DMWD: variants seen among roughly 807,000 people sequenced by gnomAD.
The protein encoded by DMWD is dystrophia myotonica WD repeat-containing protein.
Under a neutral mutation model 45.8 loss-of-function variants are expected in DMWD, and 19 were observed. The observed-to-expected ratio is 0.41, with a 90% confidence interval of 0.29 to 0.61. The LOEUF is 0.61. DMWD is among the 20% of genes least tolerant of loss of function. DMWD has a pLI of 0.25. For missense variants in DMWD, 802 were observed against 965.2 expected (o/e 0.83, Z 2.24); for synonymous variants, 515 against 440.5 (o/e 1.17, Z -2.12).
chr19:45,792,774 C>A lies in DMWD; in HGVS notation c.-18G>T, dbSNP rs1356761589. The stretch of plus-strand genomic sequence containing the variant: ...GCCGCCATCTTGGGCGCCCCCCGGG[C>A]CCCGCCACTGCCGGACTGCCGCCCG... On this transcript the variant is annotated 5_prime_UTR_variant, in exon 1 of 5. Transcript: ENST00000270223. 1.3e-5 allele frequency: 15 copies of A among 1,117,366 alleles called. No homozygotes were observed. Among genetic ancestry groups the A allele is most frequent in the Admixed American group, 5.0e-5 (1 of 20,142 alleles). The allele number at this position is 1,117,366 out of a possible 1,614,324, so 69.2% of individuals were successfully genotyped here.
At chr19:45,784,333 C>T (rs1468450439) in intron 4 of DMWD, 43 bp from the exon 5 acceptor site, 3 of 1,493,764 alleles carry the variant, frequency 2.0e-6, no homozygotes, top group Non-Finnish European at 2.7e-6. Context: ...TTAGAGACCA[C>T]CTGGGCTTCA....
chr19:45,784,746 T>C lies in DMWD; in HGVS notation c.1903-31A>G, dbSNP rs753302764. 18 of 1,606,778 alleles carry C rather than the reference T, an allele frequency of 1.1e-5. No homozygotes were observed. In the Admixed American group the frequency reaches 1.9e-4, roughly 17 times the overall value. ...GAGACAGAGGGGTCTCTTTTAGGAC[T>C]CAACCAGACTCCCCAAATCCCACCA... On this transcript the variant is annotated intron_variant, in intron 3 of 4. Transcript: ENST00000270223.
rs1970219706 is a variant in DMWD at position 45,783,769 on chromosome 19, C to T, written c.*474G>A. The T allele has an allele frequency of 8.8e-6, 4 of 456,720 alleles. No individual in the cohort carries two copies. Among genetic ancestry groups the T allele is most frequent in the East Asian group, 3.5e-5 (1 of 28,268 alleles). The allele number at this position is 456,720 out of a possible 1,614,324, so 28.3% of individuals were successfully genotyped here. A position where few individuals can be genotyped will look rare whatever the true frequency, so the allele number is the denominator to read the frequency against. ...ACTTTAGTATAAATAAGAGGTCCTG[C>T]GGGACAGGGAGGAACCTGAGGGGCT... On this transcript the variant is annotated 3_prime_UTR_variant, in exon 5 of 5. Coordinates refer to ENST00000270223, the MANE Select transcript of DMWD (RefSeq NM_004943.2).
At position 45,785,487 on chromosome 19, in the gene DMWD, C is replaced by T. The variant is rs908604943; in HGVS notation, c.1902+107G>A. The T allele has an allele frequency of 1.8e-5, 25 of 1,404,892 alleles. No individual in the cohort carries two copies. In the East Asian group the frequency reaches 2.2e-4, roughly 12 times the overall value. 87.0% of individuals were successfully genotyped at this position (1,404,892 alleles called of 1,614,324 possible). On this transcript the variant is annotated intron_variant, in intron 3 of 4. Transcript: ENST00000270223. ...ATTTCCCTGGCTTCCCCTCACCCCA[C>T]GGAGCCAGAGGCTGTGACAGCAACA...
Position 45,786,629 on chromosome 19 carries a change from C to T in DMWD, c.867G>A (p.Glu289=). 1.2e-6 allele frequency: 2 copies of T among 1,613,430 alleles called. No individual in the cohort carries two copies. The highest frequency in any genetic ancestry group is 1.7e-6 in the Non-Finnish European group (2 of 1,179,616). Residue 289 remains glutamate, a synonymous_variant, in exon 3 of 5, where the codon GAG becomes GAA. Transcript: ENST00000270223. ...KWAVGEGPLN[E]FAFSPDGRHL... ...GCCGGCCATCGGGCGAGAAGGCGAACTCGTTGAGGGGCCCCTCACCCACCG... is the reference window on the plus strand; with the variant it reads ...GCCGGCCATCGGGCGAGAAGGCGAATTCGTTGAGGGGCCCCTCACCCACCG...
At chr19:45,791,191 C>T in intron 1 of DMWD, 104 bp from the exon 2 acceptor site, 1 of 1,240,130 alleles carries the variant, frequency 8.1e-7, no homozygotes, top group East Asian at 2.4e-5. Context: ...GGTTAGAACC[C>T]AGAGGGAAGT....
At chr19:45,792,039 T>TACCCC (rs1205695834) in intron 1 of DMWD, among the ~76,000 whole-genome samples, 1 of 152,030 alleles carries the variant, frequency 6.6e-6, no homozygotes, top group African/African-American at 2.4e-5. Flanking sequence ...TCATCTCAGA[T>TACCCC]ACCCCATCAT....
chr19:45,792,698 G>T lies in DMWD; in HGVS notation c.59C>A (p.Ala20Glu), dbSNP rs1443786476. 1.3e-5 allele frequency: 17 copies of T among 1,266,826 alleles called. No homozygotes were observed. Among genetic ancestry groups the T allele is most frequent in the Non-Finnish European group, 1.6e-5 (16 of 989,338 alleles). 78.5% of individuals were successfully genotyped at this position (1,266,826 alleles called of 1,614,324 possible). ...SGPGAAMGDC[A>E]EIKSQFRTRE... ...CGTGCGGAATTGCGACTTAATCTCC[G>T]CGCAGTCCCCCATGGCGGCGCCGGG... Residue 20 changes from alanine to glutamate, a missense_variant, in exon 1 of 5, where the codon GCG becomes GAG. Around this residue, in one of 9 missense-constraint regions of DMWD, gnomAD observed 151 missense variants for 128.1 expected, o/e 1.18. Transcript: ENST00000270223.
intron 2 of DMWD, among the ~76,000 whole-genome samples, chr19:45,788,931 G>GAA (rs541890137): frequency 8.1e-5 from 10 of 123,074 alleles, no homozygotes; most frequent in East Asian, 2.3e-4. Context: ...CCTATCTCAG[G>GAA]AAAAAAAAAA....
At chr19:45,791,627 C>A (rs758788137) in intron 1 of DMWD, among the ~76,000 whole-genome samples, 7 of 152,124 alleles carry the variant, frequency 4.6e-5, no homozygotes, top group Non-Finnish European at 8.8e-5. Flanking sequence ...TACCTAGGGG[C>A]TCCGAAGGAT....
Position 45,783,762 on chromosome 19 carries a change from G to A in DMWD, c.*481C>T, listed in dbSNP as rs1355475618. 1 of 454,626 alleles carries A rather than the reference G, an allele frequency of 2.2e-6. No homozygotes were observed. The highest frequency in any genetic ancestry group is 3.5e-5 in the East Asian group (1 of 28,266). 28.2% of individuals were successfully genotyped at this position (454,626 alleles called of 1,614,324 possible). ...ACAGGGAACTTTAGTATAAATAAGA[G>A]GTCCTGCGGGACAGGGAGGAACCTG... On this transcript the variant is annotated 3_prime_UTR_variant, in exon 5 of 5. Coordinates refer to ENST00000270223, the MANE Select transcript of DMWD (RefSeq NM_004943.2).
At chr19:45,784,425 C>A (rs1970239177) in intron 4 of DMWD, 135 bp from the exon 5 acceptor site, 1 of 1,224,262 alleles carries the variant, frequency 8.2e-7, no homozygotes, top group African/African-American at 1.5e-5. Context: ...CGCCCTAGAC[C>A]CCCCAGAGGC....
rs1377999386 is a variant in DMWD, at chr19:45,790,966, G to A, written c.563C>T (p.Ala188Val). 2.5e-6 allele frequency: 4 copies of A among 1,613,876 alleles called. No individual in the cohort carries two copies. The highest frequency in any genetic ancestry group is 2.2e-5 in the East Asian group (1 of 44,868). Residue 188 changes from alanine (A) to valine (V), a missense_variant, in exon 2 of 5, where the codon GCG becomes GTG. By Grantham distance (64) the Ala-to-Val change is moderately conservative (BLOSUM62 0). Coordinates refer to ENST00000270223, the MANE Select transcript of DMWD (RefSeq NM_004943.2). ...GAGATCCAGGTACTGCACTTGACCCGCTGAGAAGCCCACCAGCAGCGAGAT... is the reference window on the plus strand; with the variant it reads ...GAGATCCAGGTACTGCACTTGACCCACTGAGAAGCCCACCAGCAGCGAGAT... ...ETISLLVGFSAGQVQYLDLIK... is the reference protein window; with the variant it reads ...ETISLLVGFSVGQVQYLDLIK...
chr19:45,792,737 T>TCCGCGCCGCCCG lies in DMWD; in HGVS notation c.8_19dup (p.Ala3_Ala6dup). The TCCGCGCCGCCCG allele has an allele frequency of 8.7e-7, 1 of 1,151,460 alleles. No homozygotes were observed. The highest frequency in any genetic ancestry group is 1.1e-6 in the Non-Finnish European group (1 of 932,976). The allele number at this position is 1,151,460 out of a possible 1,614,324, so 71.3% of individuals were successfully genotyped here. ...GGCGGCGCCGGGGCCCGAGCCGCCC[T>TCCGCGCCGCCCG]CCGCGCCGCCCGCCGCCATCTTGGG... On this transcript the variant is annotated inframe_insertion, in exon 1 of 5. Coordinates refer to ENST00000270223, the MANE Select transcript of DMWD (RefSeq NM_004943.2).
At chr19:45,785,202 TC>T (rs1318117445) in intron 3 of DMWD, 54 of 1,025,354 alleles carry the variant, frequency 5.3e-5, no homozygotes, top group Non-Finnish European at 5.8e-5. Context: ...AGGCTTGAGC[TC>T]GCCCCTAGTT....
chr19:45,792,684 G>A lies in DMWD; in HGVS notation c.73C>T (p.Gln25Ter). 1 of 1,296,718 alleles carries A rather than the reference G, an allele frequency of 7.7e-7. No homozygotes were observed. Among genetic ancestry groups the A allele is most frequent in the Non-Finnish European group, 9.9e-7 (1 of 1,006,530 alleles). The allele number at this position is 1,296,718 out of a possible 1,614,324, so 80.3% of individuals were successfully genotyped here. ...AMGDCAEIKS[Q>*]FRTREGFYKL... ...TAGAAACCCTCGCGCGTGCGGAATTGCGACTTAATCTCCGCGCAGTCCCCC... is the reference window on the plus strand; with the variant it reads ...TAGAAACCCTCGCGCGTGCGGAATTACGACTTAATCTCCGCGCAGTCCCCC... The change falls in exon 1 of 5, where the codon CAA becomes TAA. Residue 25 changes from glutamine to a stop codon, truncating the protein, a stop_gained. Coordinates refer to ENST00000270223, the MANE Select transcript of DMWD (RefSeq NM_004943.2). LOFTEE classifies it high-confidence loss of function.
At chr19:45,791,153 G>T (rs1970352583) in intron 1 of DMWD, 66 bp from the exon 2 acceptor site, 3 of 1,500,206 alleles carry the variant, frequency 2.0e-6, no homozygotes, top group South Asian at 2.5e-5. Context: ...GGATGTTGAG[G>T]TTGGGGGAAA....
intron 3 of DMWD, 26 bp downstream of exon 3, chr19:45,785,568 C>T (rs998643210): frequency 4.8e-6 from 7 of 1,451,260 alleles, no homozygotes; most frequent in East Asian, 2.6e-5. Flanking sequence ...GCCAGGTCCC[C>T]GGCAGGCTGG....
At position 45,792,805 on chromosome 19, in the gene DMWD, G is replaced by A. The variant is rs1179890467; in HGVS notation, c.-49C>T. The A allele has an allele frequency of 6.4e-6, 7 of 1,087,118 alleles. No individual in the cohort carries two copies. Among genetic ancestry groups the A allele is most frequent in the African/African-American group, 3.4e-5 (2 of 59,596 alleles). 67.3% of individuals were successfully genotyped at this position (1,087,118 alleles called of 1,614,324 possible). A position where few individuals can be genotyped will look rare whatever the true frequency, so the allele number is the denominator to read the frequency against. ...CACTGCCGGACTGCCGCCCGCAGCC[G>A]GGCCCCCTCCCGGAAGCCGCTGGCC... On this transcript the variant is annotated 5_prime_UTR_variant, in exon 1 of 5. Transcript: ENST00000270223.
Sources: gnomAD v4.1 joint callset for allele counts (sites outside exome capture counted in the v4.1 genomes callset) on GRCh38, gnomAD v4.1.1 for gene constraint, gnomAD v4.1.1 regional missense constraint, MANE v1.5 for transcripts, NCBI Gene and HGNC (gene_info 2026-07-23, HGNC 2026-07-21) for gene names.